RRAS2: variants seen among roughly 807,000 people sequenced by gnomAD.
The protein encoded by RRAS2 is RAS related 2.
Under a neutral mutation model 27.6 loss-of-function variants are expected in RRAS2, and 7 were observed. That is an observed-to-expected ratio of 0.25 (90% CI 0.14 to 0.48). The LOEUF is 0.48. Ranked by LOEUF, RRAS2 falls within the 20% of genes least tolerant of loss-of-function variation. The pLI, the probability that RRAS2 is intolerant of heterozygous loss-of-function variation, is 0.99. For missense variants in RRAS2, 178 were observed against 256.2 expected (o/e 0.69, Z 2.08); for synonymous variants, 86 against 90.9 (o/e 0.95, Z 0.31).
intron 4 of RRAS2, among the ~76,000 whole-genome samples, chr11:14,284,684 A>T (rs1407280335): frequency 6.6e-6 from 1 of 152,146 alleles, no homozygotes; most frequent in East Asian, 1.9e-4. Flanking sequence ...TTAGATCACG[A>T]ATGTTTGGGA....
At chr11:14,279,662 A>T (rs1234290013) in intron 5 of RRAS2, among the ~76,000 whole-genome samples, 7 of 152,220 alleles carry the variant, frequency 4.6e-5, no homozygotes, top group African/African-American at 1.7e-4. Context: ...ACGAGATACT[A>T]GACTCAGTAA....
At chr11:14,297,745 C>G (rs958283430) in intron 1 of RRAS2, among the ~76,000 whole-genome samples, 5 of 152,108 alleles carry the variant, frequency 3.3e-5, no homozygotes, top group African/African-American at 7.2e-5. Flanking sequence ...GCCTGGAAGA[C>G]AGAATAACAC....
chr11:14,281,649 A>C lies in RRAS2; in HGVS notation c.480T>G (p.Ile160Met), dbSNP rs1849539210. 2 of 1,600,208 alleles carry C rather than the reference A, an allele frequency of 1.2e-6. No homozygotes were observed. The highest frequency in any genetic ancestry group is 2.7e-5 in the African/African-American group (2 of 74,222). The change falls in exon 5 of 6, where the codon ATT becomes ATG. Residue 160 changes from isoleucine to methionine, a missense_variant. Transcript: ENST00000256196. ...GGAAAGCTTGATCTACATTCATCCT[A>C]ATCTTTGCTGATGCCTCCATGTATG... ...KVTYMEASAK[I>M]RMNVDQAFHE... is the part of the protein sequence containing the mutation.
intron 4 of RRAS2, among the ~76,000 whole-genome samples, chr11:14,292,232 T>G (rs868985988): frequency 6.6e-6 from 1 of 152,188 alleles, no homozygotes; most frequent in South Asian, 2.1e-4. Context: ...GGGGTTCTAG[T>G]GGGCATACAC....
intron 1 of RRAS2, among the ~76,000 whole-genome samples, chr11:14,350,881 T>C (rs1848935730): frequency 6.6e-6 from 1 of 152,172 alleles, no homozygotes; most frequent in South Asian, 2.1e-4. Context: ...TCCATATCAG[T>C]TAATCATGCC....
intron 1 of RRAS2, among the ~76,000 whole-genome samples, chr11:14,323,366 G>A (rs1848270809): frequency 6.6e-6 from 1 of 152,042 alleles, no homozygotes; most frequent in Non-Finnish European, 1.5e-5. Context: ...GCTAAGGTAG[G>A]AGGATTGCTT....
At chr11:14,288,730 A>C (rs1276881064) in intron 4 of RRAS2, among the ~76,000 whole-genome samples, 2 of 152,224 alleles carry the variant, frequency 1.3e-5, no homozygotes, top group Non-Finnish European at 2.9e-5. Context: ...TCAGTTCAAA[A>C]ACACAGGTAG....
rs1215115935 is a variant in RRAS2 at position 14,359,108 on chromosome 11, C to G, written c.-238G>C. On this transcript the variant is annotated 5_prime_UTR_variant, in exon 1 of 6. Transcript: ENST00000256196. ...GGCACGGGCCAGGGGCGGCAGCGGC[C>G]GGGGGGCGCGCTCCTCTACGCGTCT... 4 of 1,052,438 alleles carry G rather than the reference C, an allele frequency of 3.8e-6. No homozygotes were observed. In the Admixed American group the frequency reaches 2.2e-4, roughly 58 times the overall value. 65.2% of individuals were successfully genotyped at this position (1,052,438 alleles called of 1,614,324 possible).
At chr11:14,314,802 C>A (rs991682513) in intron 1 of RRAS2, among the ~76,000 whole-genome samples, 16 of 152,148 alleles carry the variant, frequency 1.1e-4, no homozygotes, top group African/African-American at 3.6e-4. Context: ...GATTCTCCTG[C>A]CTCAGCCTCC....
intron 1 of RRAS2, among the ~76,000 whole-genome samples, chr11:14,332,176 C>T (rs1367459974): frequency 6.6e-6 from 1 of 152,120 alleles, no homozygotes; most frequent in African/African-American, 2.4e-5. Context: ...TGGTATTTAT[C>T]CAAGCAATAT....
At chr11:14,337,209 T>G (rs1848605848) in intron 1 of RRAS2, 1 of 152,212 alleles carries the variant, frequency 6.6e-6, no homozygotes, top group African/African-American at 2.4e-5. Context: ...TGTTTACCAT[T>G]CTGAGTAGCC....
intron 1 of RRAS2, among the ~76,000 whole-genome samples, chr11:14,322,986 C>A (rs532866358): frequency 1.6e-4 from 25 of 152,140 alleles, no homozygotes; most frequent in African/African-American, 6.0e-4. Flanking sequence ...AAAAGCGTAT[C>A]TCTTCAAACA....
chr11:14,331,873 A>G (rs565086598), intron 1 of RRAS2, among the ~76,000 whole-genome samples: 1 of 152,298 alleles, frequency 6.6e-6, no homozygotes, highest in South Asian at 2.1e-4. Context: ...CCAATTTTCA[A>G]AAGAGACAAA....
chr11:14,286,583 A>C (rs1311356091), intron 4 of RRAS2, among the ~76,000 whole-genome samples: 2 of 152,212 alleles, frequency 1.3e-5, no homozygotes, highest in African/African-American at 4.8e-5. Flanking sequence ...CGTTTTAGGT[A>C]ATTTGTTCTC....
intron 1 of RRAS2, among the ~76,000 whole-genome samples, chr11:14,321,945 T>C (rs1848232816): frequency 6.6e-6 from 1 of 152,210 alleles, no homozygotes; most frequent in South Asian, 2.1e-4. Flanking sequence ...AATTGAACTT[T>C]GTTTAGTACT....
At chr11:14,307,672 C>T (rs1488794696) in intron 1 of RRAS2, among the ~76,000 whole-genome samples, 1 of 152,022 alleles carries the variant, frequency 6.6e-6, no homozygotes, top group Non-Finnish European at 1.5e-5. Context: ...ACCTGCCATA[C>T]TAACATAGCA....
At chr11:14,336,194 G>A (rs987224712) in intron 1 of RRAS2, among the ~76,000 whole-genome samples, 3 of 152,184 alleles carry the variant, frequency 2.0e-5, no homozygotes, top group Non-Finnish European at 4.4e-5. Flanking sequence ...AATGTAAGCT[G>A]AGTAGGGAAT....
At chr11:14,317,534 C>T (rs558501712) in intron 1 of RRAS2, among the ~76,000 whole-genome samples, 1 of 152,260 alleles carries the variant, frequency 6.6e-6, no homozygotes, top group South Asian at 2.1e-4. Context: ...GAGCCAAGAC[C>T]GTGCCATTGC....
chr11:14,293,201 G>A (rs758855034), intron 4 of RRAS2, among the ~76,000 whole-genome samples: 14 of 134,030 alleles, frequency 1.0e-4, no homozygotes, highest in East Asian at 4.4e-4. Context: ...TGGGTATGCC[G>A]CCAATAAAAT....
Sources: allele counts gnomAD v4.1 joint callset (sites outside exome capture counted in the v4.1 genomes callset), GRCh38; gene constraint gnomAD v4.1.1; transcripts MANE v1.5; gene names NCBI Gene and HGNC (gene_info 2026-07-23, HGNC 2026-07-21).